Variants in EIF4EBP1 observed in about 807,000 individuals in gnomAD.
EIF4EBP1 encodes eukaryotic translation initiation factor 4E-binding protein 1.
Under a neutral mutation model 9.2 loss-of-function variants are expected in EIF4EBP1, and 5 were observed. The observed-to-expected ratio is 0.54, with a 90% CI of 0.28 to 1.14. The LOEUF (loss-of-function observed/expected upper bound fraction) is 1.14. Ranked by LOEUF, EIF4EBP1 falls within the 50% of genes most tolerant of loss-of-function variation. EIF4EBP1 has a pLI of 0.09. For missense variants in EIF4EBP1, 139 were observed against 169.6 expected, an observed-to-expected ratio of 0.82 and a Z score of 1.00; for synonymous variants, 62 against 67.0, an observed-to-expected ratio of 0.93 and a Z score of 0.36.
At chr8:38,043,397 C>T (rs1274499708) in intron 1 of EIF4EBP1, among the ~76,000 whole-genome samples, 1 of 143,968 alleles carries the variant, frequency 6.9e-6, no homozygotes, top group South Asian at 2.2e-4. Flanking sequence ...TGGAGTCTTG[C>T]TCTGTTGCCC....
chr8:38,052,599 C>G (rs927234932), intron 1 of EIF4EBP1, among the ~76,000 whole-genome samples: 3 of 152,094 alleles, frequency 2.0e-5, no homozygotes, highest in African/African-American at 7.2e-5. Context: ...CATCTGTAAT[C>G]CCAGCTACTT....
At chr8:38,045,181 T>A (rs1375118028) in intron 1 of EIF4EBP1, among the ~76,000 whole-genome samples, 1 of 152,196 alleles carries the variant, frequency 6.6e-6, no homozygotes, top group Non-Finnish European at 1.5e-5. Flanking sequence ...TGGATTTTGT[T>A]ATTCCCTCCC....
chr8:38,035,269 G>A (rs111748540), intron 1 of EIF4EBP1, among the ~76,000 whole-genome samples: 1,895 of 152,260 alleles, frequency 0.012, 39 homozygotes, highest in African/African-American at 0.044. Flanking sequence ...CCAGGCTGGA[G>A]TGCAGTGGTG....
In EIF4EBP1 at chr8:38,059,930, A is replaced by T. The variant is rs1435834755; in HGVS notation, c.352A>T (p.Ile118Phe). 6.2e-7 allele frequency: 1 copy of T among 1,614,214 alleles called. No homozygotes were observed. Among genetic ancestry groups the T allele is most frequent in the East Asian group, 2.2e-5 (1 of 44,872 alleles). Residue 118 changes from isoleucine to phenylalanine, a missense_variant, in exon 3 of 3, where the codon ATT (isoleucine) becomes TTT (phenylalanine). Coordinates refer to ENST00000338825, the MANE Select transcript of EIF4EBP1 (RefSeq NM_004095.4). ...TGAAGAGTCACAGTTTGAGATGGAC[A>T]TTTAAAGCACCAGCCATCGTGTGGA... ...GGEESQFEMD[I>F]
Position 38,030,596 on chromosome 8 carries a change from G to T in EIF4EBP1, c.23G>T (p.Ser8Ile). 1 of 1,515,542 alleles carries T rather than the reference G, an allele frequency of 6.6e-7. No individual in the cohort carries two copies. 93.9% of individuals were successfully genotyped at this position (1,515,542 alleles called of 1,614,324 possible). A position where few individuals can be genotyped will look rare whatever the true frequency, so the allele number is the denominator to read the frequency against. ...ACCATGTCCGGGGGCAGCAGCTGCA[G>T]CCAGACCCCAAGCCGGGCCATCCCC... is the stretch of plus-strand genomic sequence containing the variant. MSGGSSC[S>I]QTPSRAIPAT... is the part of the protein sequence containing the mutation. Residue 8 changes from serine to isoleucine, a missense_variant, in exon 1 of 3, where the codon AGC (serine) becomes ATC (isoleucine). By Grantham distance (142) the Ser-to-Ile change is moderately radical (BLOSUM62 -2). Coordinates refer to ENST00000338825, the MANE Select transcript of EIF4EBP1 (RefSeq NM_004095.4).
intron 1 of EIF4EBP1, among the ~76,000 whole-genome samples, chr8:38,053,697 C>T (rs778105863): frequency 6.6e-6 from 1 of 152,194 alleles, no homozygotes; most frequent in East Asian, 1.9e-4. Context: ...CGCGCACACT[C>T]TCAATGGGAT....
At chr8:38,057,611 ACACC>A (rs1480073080) in intron 2 of EIF4EBP1, among the ~76,000 whole-genome samples, 1 of 152,206 alleles carries the variant, frequency 6.6e-6, no homozygotes, top group Non-Finnish European at 1.5e-5. Context: ...CACTTGGAAC[ACACC>A]CATGATGTTT....
At chr8:38,032,244 G>A (rs1266404971) in intron 1 of EIF4EBP1, among the ~76,000 whole-genome samples, 1 of 152,220 alleles carries the variant, frequency 6.6e-6, no homozygotes, top group East Asian at 1.9e-4. Context: ...CGGGTACCAA[G>A]GTTCACACCT....
intron 1 of EIF4EBP1, among the ~76,000 whole-genome samples, chr8:38,043,968 G>T (rs1809417417): frequency 6.6e-6 from 1 of 152,082 alleles, no homozygotes; most frequent in Admixed American, 6.6e-5. Context: ...AGGAGGGAGG[G>T]AAGACCGAGA....
intron 2 of EIF4EBP1, among the ~76,000 whole-genome samples, chr8:38,057,728 G>A (rs1809618204): frequency 1.3e-5 from 2 of 152,180 alleles, no homozygotes; most frequent in South Asian, 4.1e-4. Flanking sequence ...CTGTTGGGCT[G>A]TTGGTCCCCT....
At chr8:38,059,755 C>T in intron 2 of EIF4EBP1, 149 bp from the exon 3 acceptor site, 4 of 603,626 alleles carry the variant, frequency 6.6e-6, no homozygotes, top group Non-Finnish European at 1.0e-5. Flanking sequence ...GACTCCATCT[C>T]AAAAAAAAAA....
At chr8:38,048,668 T>A (rs529088516) in intron 1 of EIF4EBP1, among the ~76,000 whole-genome samples, 1 of 152,276 alleles carries the variant, frequency 6.6e-6, no homozygotes, top group East Asian at 1.9e-4. Context: ...CACATCTTAC[T>A]GTATTCTTTC....
At chr8:38,048,417 C>A (rs939875157) in intron 1 of EIF4EBP1, among the ~76,000 whole-genome samples, 6 of 151,858 alleles carry the variant, frequency 4.0e-5, no homozygotes, top group African/African-American at 7.3e-5. Context: ...TTAATAATTG[C>A]TTTGTTTTAA....
chr8:38,036,021 T>A (rs1809297334), intron 1 of EIF4EBP1, among the ~76,000 whole-genome samples: 1 of 145,422 alleles, frequency 6.9e-6, no homozygotes, highest in South Asian at 2.2e-4. Context: ...TTATTTTATT[T>A]TTGAGGCAGA....
intron 1 of EIF4EBP1, among the ~76,000 whole-genome samples, chr8:38,033,803 A>G (rs1809260910): frequency 6.9e-6 from 1 of 145,146 alleles, no homozygotes; most frequent in African/African-American, 2.6e-5. Context: ...CTGGAGTGCA[A>G]TGGTGAGATC....
At chr8:38,041,061 A>C (rs533585193) in intron 1 of EIF4EBP1, among the ~76,000 whole-genome samples, 102 of 152,216 alleles carry the variant, frequency 6.7e-4, no homozygotes, top group African/African-American at 2.4e-3. Context: ...CGGCCTCCCA[A>C]AGTGCTGGGA....
chr8:38,057,295 G>A (rs1022384502), intron 2 of EIF4EBP1, 35 bp downstream of exon 2: 3 of 1,565,964 alleles, frequency 1.9e-6, no homozygotes, highest in Non-Finnish European at 2.6e-6. Context: ...TCTACCTTGG[G>A]AAAGGGAATG....
chr8:38,059,550 G>A (rs1339955425), intron 2 of EIF4EBP1, among the ~76,000 whole-genome samples: 2 of 151,822 alleles, frequency 1.3e-5, no homozygotes, highest in Non-Finnish European at 2.9e-5. Flanking sequence ...TCAGGAGTTC[G>A]AGACCAGCCT....
chr8:38,031,820 A>G (rs536941791), intron 1 of EIF4EBP1, among the ~76,000 whole-genome samples: 19 of 152,348 alleles, frequency 1.2e-4, no homozygotes, highest in Admixed American at 1.2e-3. Flanking sequence ...AGAGCCCGGC[A>G]TTGAGGCCCC....
Sources: allele counts gnomAD v4.1 joint callset (sites outside exome capture counted in the v4.1 genomes callset), GRCh38; gene constraint gnomAD v4.1.1; transcripts MANE v1.5; gene names NCBI Gene and HGNC (gene_info 2026-07-23, HGNC 2026-07-21).